RPH3A: variants seen among roughly 807,000 people sequenced by gnomAD.
RPH3A encodes the protein rabphilin 3A, also known as rabphilin-3A.
RPH3A carries 48 observed loss-of-function variants against 102.2 expected under a neutral mutation model. The ratio of observed to expected loss-of-function variants is 0.47; its 90% confidence interval spans 0.37 to 0.60. The LOEUF is 0.60. Among genes scored for constraint, RPH3A ranks in the 20% least tolerant of loss-of-function variants. The probability of loss-of-function intolerance (pLI) is 0.00; values close to 1 mark genes in which losing one functional copy is unlikely to be tolerated. For synonymous variants in RPH3A, 310 were observed against 324.3 expected (o/e 0.96, Z 0.47); for missense variants, 781 against 910.1 (o/e 0.86, Z 1.83).
chr12:112,797,429 T>C (rs2041253906), intron 2 of RPH3A, among the ~76,000 whole-genome samples: 1 of 152,140 alleles, frequency 6.6e-6, no homozygotes, highest in Non-Finnish European at 1.5e-5. Context: ...ATTTACATTC[T>C]GTTGGGGGGT....
At chr12:112,646,578 C>T (rs1180184875) in intron 1 of RPH3A, among the ~76,000 whole-genome samples, 1 of 152,210 alleles carries the variant, frequency 6.6e-6, no homozygotes, top group Non-Finnish European at 1.5e-5. Context: ...CAGTACATCA[C>T]CAAAGAGGCT....
chr12:112,892,342 A>C (rs2043110970), intron 19 of RPH3A, among the ~76,000 whole-genome samples: 1 of 152,238 alleles, frequency 6.6e-6, no homozygotes, highest in Non-Finnish European at 1.5e-5. Flanking sequence ...GGAGATAAGG[A>C]GGAATCCAGA....
At chr12:112,648,754 A>G (rs7956589) in intron 1 of RPH3A, among the ~76,000 whole-genome samples, 1,613 of 39,860 alleles carry the variant, frequency 0.04, 25 homozygotes, top group African/African-American at 0.14. Context: ...CAAAAAAAAA[A>G]AAAAAAAAAA....
At chr12:112,617,018 G>A (rs1019849644) in intron 1 of RPH3A, among the ~76,000 whole-genome samples, 5 of 152,148 alleles carry the variant, frequency 3.3e-5, no homozygotes, top group African/African-American at 1.2e-4. Context: ...CTCTGGCTGA[G>A]CCATTTAAAA....
At chr12:112,736,828 G>A (rs2040672899) in intron 1 of RPH3A, among the ~76,000 whole-genome samples, 1 of 152,092 alleles carries the variant, frequency 6.6e-6, no homozygotes, top group African/African-American at 2.4e-5. Context: ...TCTCTCTTGA[G>A]GCTCAACATA....
chr12:112,883,153 A>C (rs1002663934), intron 15 of RPH3A, 140 bp from the exon 16 acceptor site: 1 of 637,032 alleles, frequency 1.6e-6, no homozygotes, highest in African/African-American at 1.8e-5. Flanking sequence ...CCCTGAGAAC[A>C]TGCATTTGGG....
chr12:112,735,175 GA>G (rs2040660467), intron 1 of RPH3A, among the ~76,000 whole-genome samples: 1 of 152,210 alleles, frequency 6.6e-6, no homozygotes, highest in African/African-American at 2.4e-5. Context: ...ATCGCCCAAG[GA>G]AGAAACACAA....
intron 1 of RPH3A, among the ~76,000 whole-genome samples, chr12:112,784,994 G>A (rs1191496604): frequency 2.0e-5 from 3 of 152,148 alleles, no homozygotes; most frequent in Admixed American, 6.5e-5. Context: ...AGGCAGAGGC[G>A]GGTGGATCAC....
chr12:112,587,231 A>T (rs1394162675), intron 1 of RPH3A, among the ~76,000 whole-genome samples: 1 of 152,266 alleles, frequency 6.6e-6, no homozygotes, highest in East Asian at 1.9e-4. Context: ...TCAAAGGGAA[A>T]TCACACTGAA....
At position 112,727,498 on chromosome 12, in the gene RPH3A, C is replaced by CA. The variant is rs1267619462; in HGVS notation, c.-139-64645_-139-64644insA. 2.1e-5 allele frequency among the ~76,000 whole-genome samples: 2 copies of CA among 96,000 alleles called. 1 individual carries two copies. The highest frequency in any genetic ancestry group is 4.2e-5 in the Non-Finnish European group (2 of 47,690). 63.0% of individuals were successfully genotyped at this position (96,000 alleles called of 152,430 possible). On this transcript the variant is annotated intron_variant, in intron 1 of 21. Coordinates refer to the RPH3A transcript ENST00000543106. ...ACACACACACACACACACAGACCCC[C>CA]CCCCCCCACACACATATATATATAT...
At chr12:112,575,942 T>C (rs1046220041) in intron 1 of RPH3A, among the ~76,000 whole-genome samples, 1 of 152,182 alleles carries the variant, frequency 6.6e-6, no homozygotes, top group African/African-American at 2.4e-5. Flanking sequence ...TATATCCTTT[T>C]GATTTCACCT....
chr12:112,577,836 C>T (rs1345062036), intron 1 of RPH3A, among the ~76,000 whole-genome samples: 1 of 152,002 alleles, frequency 6.6e-6, no homozygotes, highest in African/African-American at 2.4e-5. Context: ...AGCCACTGTG[C>T]CTGGCCTAGG....
chr12:112,687,773 C>T (rs1479570038), intron 1 of RPH3A, among the ~76,000 whole-genome samples: 1 of 152,130 alleles, frequency 6.6e-6, no homozygotes, highest in African/African-American at 2.4e-5. Context: ...CACTAGGTGA[C>T]CTCAGACTCT....
intron 1 of RPH3A, among the ~76,000 whole-genome samples, chr12:112,613,345 T>C (rs1354529711): frequency 6.6e-6 from 1 of 152,118 alleles, no homozygotes; most frequent in Non-Finnish European, 1.5e-5. Context: ...GGGATATTCT[T>C]GGTGGCCTCG....
chr12:112,800,073 G>A (rs1240680255), intron 2 of RPH3A, among the ~76,000 whole-genome samples: 4 of 152,194 alleles, frequency 2.6e-5, no homozygotes, highest in Non-Finnish European at 5.9e-5. Context: ...ACAGCCCAGT[G>A]GGTGGCAAAA....
intron 5 of RPH3A, among the ~76,000 whole-genome samples, chr12:112,849,226 G>T (rs552046416): frequency 3.3e-5 from 5 of 152,180 alleles, no homozygotes; most frequent in Admixed American, 6.5e-5. Context: ...GAAATAGGGG[G>T]TGTTGTTGAC....
chr12:112,763,097 T>G (rs546192179), intron 1 of RPH3A, among the ~76,000 whole-genome samples: 1 of 152,232 alleles, frequency 6.6e-6, no homozygotes, highest in African/African-American at 2.4e-5. Flanking sequence ...CAGTGAGGAC[T>G]GTAAACCATA....
At chr12:112,807,682 G>A (rs1353390940) in intron 2 of RPH3A, among the ~76,000 whole-genome samples, 1 of 152,130 alleles carries the variant, frequency 6.6e-6, no homozygotes, top group Non-Finnish European at 1.5e-5. Context: ...GTAAACATTA[G>A]TCACTCTTAT....
At chr12:112,798,960 G>T (rs1216137312) in intron 2 of RPH3A, among the ~76,000 whole-genome samples, 3 of 151,874 alleles carry the variant, frequency 2.0e-5, no homozygotes, top group African/African-American at 7.3e-5. Context: ...AAGACACACA[G>T]AAATTACTTG....
Sources: gnomAD v4.1 joint callset for allele counts (sites outside exome capture counted in the v4.1 genomes callset) on GRCh38, gnomAD v4.1.1 for gene constraint, MANE v1.5 for transcripts, NCBI Gene and HGNC (gene_info 2026-07-23, HGNC 2026-07-21) for gene names.